The following IFIH1 variants were observed in gnomAD, a reference collection of about 807,000 sequenced individuals.
IFIH1 encodes the protein interferon induced with helicase C domain 1.
Under a neutral mutation model 107.4 loss-of-function variants are expected in IFIH1, and 125 were observed. The observed-to-expected ratio is 1.16, with a 90% CI of 1.01 to 1.35. IFIH1 has a LOEUF of 1.35. Ranked by LOEUF, IFIH1 falls within the 40% of genes most tolerant of loss-of-function variation. IFIH1 has a pLI of 0.00. For missense variants in IFIH1, 1,333 were observed against 1,213.7 expected (o/e 1.10, Z -1.46); for synonymous variants, 458 against 413.2 (o/e 1.11, Z -1.31).
chr2:162,274,984 T>A (rs906665883), intron 11 of IFIH1, among the ~76,000 whole-genome samples: 1 of 152,168 alleles, frequency 6.6e-6, no homozygotes, highest in Admixed American at 6.6e-5. Context: ...CTCTGAAAAT[T>A]TCTCCCTCCG....
intron 3 of IFIH1, 47 bp from the exon 4 acceptor site, chr2:162,293,715 T>A (rs1162141353): frequency 7.6e-7 from 1 of 1,324,098 alleles, no homozygotes; most frequent in East Asian, 2.4e-5. Context: ...TTTCTGAGAA[T>A]AAACGTATTT....
chr2:162,308,872 A>C (rs1257577181), intron 2 of IFIH1, among the ~76,000 whole-genome samples: 1 of 152,160 alleles, frequency 6.6e-6, no homozygotes, highest in Non-Finnish European at 1.5e-5. Context: ...AACTCACTGA[A>C]GCATGAACTC....
At chr2:162,292,886 C>G (rs972789851) in intron 4 of IFIH1, among the ~76,000 whole-genome samples, 1 of 151,486 alleles carries the variant, frequency 6.6e-6, no homozygotes, top group Non-Finnish European at 1.5e-5. Context: ...AATATACACT[C>G]AAAGAAAAGA....
chr2:162,278,393 T>A, intron 8 of IFIH1, 65 bp from the exon 9 acceptor site: 1 of 845,750 alleles, frequency 1.2e-6, no homozygotes. Flanking sequence ...ATTATCTTTG[T>A]TAGAATAATT....
chr2:162,310,978 TG>T (rs780324340), intron 1 of IFIH1, 45 bp from the exon 2 acceptor site: 10 of 1,474,988 alleles, frequency 6.8e-6, no homozygotes, highest in Middle Eastern at 1.7e-4. Context: ...AAACATCTTC[TG>T]AATAACCTTA....
In IFIH1 at chr2:162,288,574, G is replaced by C. The variant is rs377142618; in HGVS notation, c.875-219C>G. ...ACAGAAGGAGTCTGGGGGTGTGGGG[G>C]TGCAGAGGGAGTCAACTAATTAAGA... On this transcript the variant is annotated intron_variant, in intron 4 of 15. Coordinates refer to ENST00000649979, the MANE Select transcript of IFIH1 (RefSeq NM_022168.4). Among the ~76,000 whole-genome samples, 3 of 152,068 alleles carry C rather than the reference G, an allele frequency of 2.0e-5. 1 individual carries two copies. The East Asian group carries it at 5.8e-4, about 30-fold the overall frequency.
chr2:162,310,739 A>G, intron 2 of IFIH1, 26 bp downstream of exon 2: 2 of 1,596,398 alleles, frequency 1.3e-6, no homozygotes, highest in Non-Finnish European at 1.7e-6. Context: ...AATTTGAAGA[A>G]TCTTCCTCAG....
Position 162,268,192 on chromosome 2 carries a change from G to A in IFIH1, c.2702C>T (p.Ser901Leu). 6.2e-7 allele frequency: 1 copy of A among 1,612,438 alleles called. No homozygotes were observed. The highest frequency in any genetic ancestry group is 1.3e-5 in the African/African-American group (1 of 75,002). ...GTTTTTGCAAAGGAAAGTTATTAGT[G>A]ATGGGTTATTCTTGTAATGCTTGGC... ...NIAKHYKNNP[S>L]LITFLCKNCS... Residue 901 changes from serine (S) to leucine (L), a missense_variant, in exon 14 of 16, where the codon TCA (serine) becomes TTA (leucine). Ser to Leu is a moderately radical substitution (Grantham distance 145). Transcript: ENST00000649979.
At chr2:162,309,673 G>A (rs1195845428) in intron 2 of IFIH1, among the ~76,000 whole-genome samples, 2 of 152,158 alleles carry the variant, frequency 1.3e-5, no homozygotes, top group African/African-American at 4.8e-5. Context: ...TCAATTGGTT[G>A]TTCTCTTTAT....
chr2:162,287,905 T>C lies in IFIH1; in HGVS notation c.1095+230A>G, dbSNP rs74464199. On this transcript the variant is annotated intron_variant, in intron 5 of 15. Transcript: ENST00000649979. ...CCAGGTGTTGGGGCTACATAAGTTA[T>C]AGCTATTTGGTATAATGTCCTAGTT... Among the ~76,000 whole-genome samples the C allele has an allele frequency of 3.0e-4, 46 of 152,084 alleles. 1 individual carries two copies. The East Asian group carries it at 8.9e-3, about 30-fold the overall frequency.
At chr2:162,299,149 C>T (rs1248805617) in intron 3 of IFIH1, among the ~76,000 whole-genome samples, 3 of 152,172 alleles carry the variant, frequency 2.0e-5, no homozygotes, top group African/African-American at 7.2e-5. Flanking sequence ...TATTAAAGCA[C>T]AGGTTGCAAG....
At chr2:162,295,800 G>A (rs1269912848) in intron 3 of IFIH1, among the ~76,000 whole-genome samples, 1 of 151,910 alleles carries the variant, frequency 6.6e-6, no homozygotes, top group Non-Finnish European at 1.5e-5. Context: ...GAACTGTCAA[G>A]TAGAAGAGCG....
Position 162,303,276 on chromosome 2 carries a change from G to A in IFIH1, c.769+3433C>T, listed in dbSNP as rs954926373. On this transcript the variant is annotated intron_variant, in intron 3 of 15. Coordinates refer to ENST00000649979, the MANE Select transcript of IFIH1 (RefSeq NM_022168.4). ...ATTACAGGCATCTGCCACCATGCTC[G>A]GCTAAGTTTTTGTATTTTTAATACA... 1.1e-4 allele frequency among the ~76,000 whole-genome samples: 17 copies of A among 152,168 alleles called. No individual in the cohort carries two copies. In the East Asian group the frequency reaches 2.5e-3, roughly 22 times the overall value.
rs573723479 is a variant in IFIH1 at position 162,298,794 on chromosome 2, A to G, written c.770-5126T>C. On this transcript the variant is annotated intron_variant, in intron 3 of 15. Coordinates refer to ENST00000649979, the MANE Select transcript of IFIH1 (RefSeq NM_022168.4). Reference sequence around the variant, plus strand: ...CACACACACGCACGCGCGCGCGCACACACACACACACACACACTCACATTT... The same window carrying G: ...CACACACACGCACGCGCGCGCGCACGCACACACACACACACACTCACATTT... Among the ~76,000 whole-genome samples, 85 of 150,278 alleles carry G rather than the reference A, an allele frequency of 5.7e-4. 1 individual carries two copies. Among genetic ancestry groups the G allele is most frequent in the African/African-American group, 2.0e-3 (79 of 39,968 alleles).
chr2:162,282,376 A>G lies in IFIH1; in HGVS notation c.1296T>C (p.Val432=). 1 of 1,607,320 alleles carries G rather than the reference A, an allele frequency of 6.2e-7. No homozygotes were observed. The highest frequency in any genetic ancestry group is 8.5e-7 in the Non-Finnish European group (1 of 1,175,420). The part of the protein sequence containing the change: ...LNLENGEDAG[V]QLSDFSLIII... Reference sequence around the variant, plus strand: ...AACACTTAAACTGACCTGACAATTGAACACCAGCATCTTCTCCATTTTCCA... The same window carrying G: ...AACACTTAAACTGACCTGACAATTGGACACCAGCATCTTCTCCATTTTCCA... The change falls in exon 6 of 16, where the codon GTT becomes GTC. Residue 432 remains valine, a synonymous_variant. Transcript: ENST00000649979.
chr2:162,270,517 C>A (rs960285023), intron 13 of IFIH1, among the ~76,000 whole-genome samples: 2 of 152,140 alleles, frequency 1.3e-5, no homozygotes, highest in Non-Finnish European at 2.9e-5. Context: ...ATTGCCACTC[C>A]TACTCTAAGT....
Position 162,282,480 on chromosome 2 carries a change from T to C in IFIH1, c.1192A>G (p.Ile398Val). ...IGLSGDTQLK[I>V]SFPEVVKSCD... ...GACTTGACAACTTCTGGAAATGATA[T>C]TTTCAGTTGGGTATCACCACTTAAT... The change falls in exon 6 of 16, where the codon ATA (isoleucine) becomes GTA (valine). Residue 398 changes from isoleucine (I) to valine (V), a missense_variant. By Grantham distance (29) the Ile-to-Val change is conservative (BLOSUM62 3). Transcript: ENST00000649979. 6.2e-7 allele frequency: 1 copy of C among 1,611,694 alleles called. No individual in the cohort carries two copies. The highest frequency in any genetic ancestry group is 1.1e-5 in the South Asian group (1 of 91,018).
intron 2 of IFIH1, 38 bp downstream of exon 2, chr2:162,310,727 A>G: frequency 6.4e-7 from 1 of 1,558,242 alleles, no homozygotes; most frequent in Non-Finnish European, 8.8e-7. Context: ...ATCACTAGGC[A>G]GAATTTGAAG....
chr2:162,312,432 G>A (rs1346430448), intron 1 of IFIH1, among the ~76,000 whole-genome samples: 1 of 152,122 alleles, frequency 6.6e-6, no homozygotes, highest in African/African-American at 2.4e-5. Context: ...AGATGTTTAG[G>A]TACCTCTCTG....
Sources: gnomAD v4.1 joint callset for allele counts (sites outside exome capture counted in the v4.1 genomes callset) on GRCh38, gnomAD v4.1.1 for gene constraint, MANE v1.5 for transcripts, NCBI Gene and HGNC (gene_info 2026-07-23, HGNC 2026-07-21) for gene names.